Variants in SGCE observed in about 807,000 individuals in gnomAD.
SGCE encodes epsilon-sarcoglycan.
In SGCE, 26 loss-of-function variants were observed where a neutral mutation model predicts 57.8. That is an observed-to-expected ratio of 0.45 (90% CI 0.33 to 0.62). The LOEUF (loss-of-function observed/expected upper bound fraction) is 0.62. Among genes scored for constraint, SGCE ranks in the 20% least tolerant of loss-of-function variants. The pLI, the probability that SGCE is intolerant of heterozygous loss-of-function variation, is 0.02. For synonymous variants in SGCE, 183 were observed against 189.5 expected (o/e 0.97, Z 0.28); for missense variants, 468 against 548.6 (o/e 0.85, Z 1.47).
At position 94,598,919 on chromosome 7, in the gene SGCE, T is replaced by C. The variant is rs781699232; in HGVS notation, c.1109A>G (p.Glu370Gly). The C allele has an allele frequency of 3.1e-6, 5 of 1,613,916 alleles. No individual in the cohort carries two copies. Among genetic ancestry groups the C allele is most frequent in the Non-Finnish European group, 4.2e-6 (5 of 1,179,872 alleles). The change falls in exon 9 of 11, where the codon GAG becomes GGG. Residue 370 changes from glutamate (E) to glycine (G), a missense_variant. Transcript: ENST00000648936. ...HHSAIQKSTK[E>G]LRDMSKNREI... ...TCTATTCTTGGACATGTCTCGAAGC[T>C]CCTTGGTAGATTTCTGAATAGCACT... is the stretch of plus-strand genomic sequence containing the variant.
At chr7:94,631,068 G>T (rs1804637365) in intron 1 of SGCE, among the ~76,000 whole-genome samples, 1 of 151,920 alleles carries the variant, frequency 6.6e-6, no homozygotes, top group African/African-American at 2.4e-5. Flanking sequence ...AACTTCAAAG[G>T]CTGTGTAACA....
chr7:94,607,697 G>A (rs1180653964), intron 5 of SGCE, among the ~76,000 whole-genome samples: 1 of 152,112 alleles, frequency 6.6e-6, no homozygotes, highest in Non-Finnish European at 1.5e-5. Flanking sequence ...GAAACTTGAA[G>A]TTTTCCTACT....
chr7:94,624,010 A>G (rs933220456), intron 3 of SGCE: 2 of 391,882 alleles, frequency 5.1e-6, no homozygotes, highest in African/African-American at 4.1e-5. Flanking sequence ...AAACATTTGC[A>G]GAGCCAATAG....
intron 10 of SGCE, among the ~76,000 whole-genome samples, chr7:94,586,090 A>G (rs13222972): frequency 6.7e-6 from 1 of 150,264 alleles, no homozygotes; most frequent in Non-Finnish European, 1.5e-5. Flanking sequence ...AAAAAAAACA[A>G]CAACTTCAAG....
At chr7:94,642,674 A>G (rs996974380) in intron 1 of SGCE, among the ~76,000 whole-genome samples, 6 of 152,118 alleles carry the variant, frequency 3.9e-5, no homozygotes, top group African/African-American at 1.4e-4. Context: ...CCAACCTCCA[A>G]CTGATTTACA....
At chr7:94,634,147 T>G (rs1259822565) in intron 1 of SGCE, among the ~76,000 whole-genome samples, 1 of 152,170 alleles carries the variant, frequency 6.6e-6, no homozygotes, top group Non-Finnish European at 1.5e-5. Context: ...GATGCTTTAT[T>G]AATAAACTAA....
intron 1 of SGCE, among the ~76,000 whole-genome samples, chr7:94,653,312 A>T (rs1166179314): frequency 6.6e-6 from 1 of 152,144 alleles, no homozygotes; most frequent in East Asian, 1.9e-4. Context: ...TTAAATCAAC[A>T]GCTTCGTAGA....
chr7:94,646,328 A>G (rs1376659647), intron 1 of SGCE, among the ~76,000 whole-genome samples: 1 of 152,242 alleles, frequency 6.6e-6, no homozygotes, highest in East Asian at 1.9e-4. Flanking sequence ...TTAAACGTTC[A>G]ATATAAGAAG....
intron 5 of SGCE, among the ~76,000 whole-genome samples, chr7:94,616,160 C>T (rs1307036958): frequency 6.6e-6 from 1 of 152,070 alleles, no homozygotes; most frequent in African/African-American, 2.4e-5. Context: ...AGGTTGGGCT[C>T]ATGGGGACTG....
At chr7:94,599,477 G>A (rs1022056240) in intron 8 of SGCE, 4 of 539,006 alleles carry the variant, frequency 7.4e-6, no homozygotes, top group South Asian at 2.7e-5. Context: ...AATATTTTAG[G>A]TTTAATTTTT....
At chr7:94,643,837 AT>A (rs1207428439) in intron 1 of SGCE, among the ~76,000 whole-genome samples, 5 of 152,148 alleles carry the variant, frequency 3.3e-5, no homozygotes, top group African/African-American at 4.8e-5. Flanking sequence ...GGACCAATGC[AT>A]TTTTTTATGT....
intron 3 of SGCE, 57 bp downstream of exon 3, chr7:94,628,145 C>CAT: frequency 1.5e-6 from 2 of 1,328,774 alleles, no homozygotes; most frequent in Non-Finnish European, 2.1e-6. Flanking sequence ...AATACACACA[C>CAT]ACACACACAC....
chr7:94,615,166 C>T (rs1490023621), intron 5 of SGCE, among the ~76,000 whole-genome samples: 1 of 152,120 alleles, frequency 6.6e-6, no homozygotes, highest in Non-Finnish European at 1.5e-5. Context: ...CCAGACCAGC[C>T]TGGCCAACAT....
At chr7:94,627,263 T>C (rs1803870533) in intron 3 of SGCE, 1 of 152,074 alleles carries the variant, frequency 6.6e-6, no homozygotes, top group Admixed American at 6.6e-5. Flanking sequence ...CTGTATTCTT[T>C]TAGTTTATAC....
At chr7:94,587,275 C>T (rs1797033722) in intron 10 of SGCE, 1 of 987,906 alleles carries the variant, frequency 1.0e-6, no homozygotes, top group Non-Finnish European at 1.2e-6. Context: ...AACAAATTGC[C>T]CTAATATCAT....
intron 1 of SGCE, among the ~76,000 whole-genome samples, chr7:94,649,448 G>GGAGCCA (rs1365639835): frequency 6.6e-6 from 1 of 152,112 alleles, no homozygotes; most frequent in East Asian, 1.9e-4. Flanking sequence ...CCAAAGCAGG[G>GGAGCCA]GAGCCAGAGC....
intron 1 of SGCE, 107 bp from the exon 2 acceptor site, chr7:94,629,948 T>G: frequency 7.5e-7 from 1 of 1,330,044 alleles, no homozygotes; most frequent in South Asian, 1.3e-5. Flanking sequence ...ATGTAGACAT[T>G]TCTGGAAAAA....
chr7:94,610,733 A>G (rs1800888253), intron 5 of SGCE, among the ~76,000 whole-genome samples: 1 of 152,220 alleles, frequency 6.6e-6, no homozygotes, highest in Admixed American at 6.5e-5. Context: ...GGAATAGGAG[A>G]AAATAACTGC....
chr7:94,633,612 G>A (rs563307643), intron 1 of SGCE, among the ~76,000 whole-genome samples: 178 of 152,026 alleles, frequency 1.2e-3, no homozygotes, highest in Admixed American at 2.1e-3. Flanking sequence ...AACAGACCAC[G>A]AAAGCAGTAG....
Sources: allele counts gnomAD v4.1 joint callset (sites outside exome capture counted in the v4.1 genomes callset), GRCh38; gene constraint gnomAD v4.1.1; transcripts MANE v1.5; gene names NCBI Gene and HGNC (gene_info 2026-07-23, HGNC 2026-07-21).